The following ZNF469 variants were observed in gnomAD, a reference collection of about 807,000 sequenced individuals.
The protein encoded by ZNF469 is zinc finger protein 469.
ZNF469 carries 1 observed loss-of-function variant against 1.0 expected under a neutral mutation model. That is an observed-to-expected ratio of 1.00 (90% CI 0.35 to 4.73). The LOEUF (loss-of-function observed/expected upper bound fraction) is 4.73. Ranked by LOEUF, ZNF469 falls within the 30% of genes most tolerant of loss-of-function variation. The pLI is 0.16. For missense variants in ZNF469, 6,100 were observed against 5,356.3 expected (o/e 1.14, Z -4.33); for synonymous variants, 2,703 against 2,363.4 (o/e 1.14, Z -4.17).
At position 88,436,686 on chromosome 16, in the gene ZNF469, C is replaced by A; in HGVS notation, c.9216C>A (p.Gly3072=). 6.5e-7 allele frequency: 1 copy of A among 1,550,244 alleles called. No individual in the cohort carries two copies. Among genetic ancestry groups the A allele is most frequent in the Non-Finnish European group, 8.7e-7 (1 of 1,146,892 alleles). The part of the protein sequence containing the change: ...GPFEDPVGLP[G]PSFLDFEGTA... ...TTGAAGACCCCGTGGGTCTCCCCGG[C>A]CCCAGCTTCTTAGACTTCGAGGGCA... The change falls in exon 3 of 3, where the codon GGC becomes GGA. Residue 3072 remains glycine (G), a synonymous_variant. Transcript: ENST00000565624.
At chr16:88,108,534 G>A in the ZNF469 span, among the ~76,000 whole-genome samples, 1 of 152,156 alleles carries the variant, frequency 6.6e-6, no homozygotes, top group Non-Finnish European at 1.5e-5. Flanking sequence ...GACTTCTGGG[G>A]GTGAGGATCT....
At chr16:88,402,399 C>G (rs977875156) in intron 1 of ZNF469, among the ~76,000 whole-genome samples, 1 of 152,122 alleles carries the variant, frequency 6.6e-6, no homozygotes, top group African/African-American at 2.4e-5. Flanking sequence ...GTGGGTAGCA[C>G]CATGGCTGGA....
At chr16:88,158,404 G>A in the ZNF469 span, among the ~76,000 whole-genome samples, 1 of 152,040 alleles carries the variant, frequency 6.6e-6, no homozygotes, top group Non-Finnish European at 1.5e-5. Flanking sequence ...GCTGCAAGGC[G>A]ACATCCTGCC....
intron 1 of ZNF469, among the ~76,000 whole-genome samples, chr16:88,413,979 CCACCTGGCCAGTGA>C (rs1326482604): frequency 6.6e-6 from 1 of 152,174 alleles, no homozygotes; most frequent in African/African-American, 2.4e-5. Context: ...GGCCCTGCTG[CCACCTGGCCAGTGA>C]CAACCCCAAG....
chr16:88,130,739 T>G, the ZNF469 span, among the ~76,000 whole-genome samples: 1 of 139,690 alleles, frequency 7.2e-6, no homozygotes, highest in Non-Finnish European at 1.5e-5. Flanking sequence ...AGGCACCTAA[T>G]AAAAACGGCA....
rs575437372 is a variant in ZNF469 at position 88,386,756 on chromosome 16, G to T, written c.-192+3502G>T. On this transcript the variant is annotated intron_variant, in intron 1 of 2. Coordinates refer to ENST00000565624, the MANE Select transcript of ZNF469 (RefSeq NM_001367624.2). ...CAACTGAACCCCATGAGCCAGCCTC[G>T]TTCTCTGATGGAGCTGACCTGCTAC... Among the ~76,000 whole-genome samples, 14 of 152,302 alleles carry T rather than the reference G, an allele frequency of 9.2e-5. No homozygotes were observed. The South Asian group carries it at 1.7e-3, about 18-fold the overall frequency.
chr16:88,273,067 C>T, the ZNF469 span, among the ~76,000 whole-genome samples: 2 of 151,466 alleles, frequency 1.3e-5, no homozygotes, highest in East Asian at 1.9e-4. Context: ...GATGGATGAA[C>T]GGTGGATAAA....
At chr16:88,122,795 ATATATATG>A in the ZNF469 span, among the ~76,000 whole-genome samples, 1 of 152,058 alleles carries the variant, frequency 6.6e-6, no homozygotes, top group South Asian at 2.1e-4. Context: ...ATATATGTGT[ATATATATG>A]TATATATATG....
At chr16:88,227,301 A>T in the ZNF469 span, among the ~76,000 whole-genome samples, 4 of 152,120 alleles carry the variant, frequency 2.6e-5, no homozygotes, top group African/African-American at 9.7e-5. Context: ...AAGAGAGAGG[A>T]AGCGGGGAAG....
At chr16:88,106,525 G>T in the ZNF469 span, among the ~76,000 whole-genome samples, 2 of 152,266 alleles carry the variant, frequency 1.3e-5, no homozygotes, top group Admixed American at 1.3e-4. Flanking sequence ...GAGGGCAAAT[G>T]TGAACAGAGA....
the ZNF469 span, among the ~76,000 whole-genome samples, chr16:88,281,064 G>A: frequency 1.3e-5 from 2 of 149,860 alleles, no homozygotes; most frequent in Non-Finnish European, 3.0e-5. Flanking sequence ...GCCGATGTTG[G>A]CTCACAGGTT....
rs543133296 is a variant in ZNF469 at position 88,436,337 on chromosome 16, C to G, written c.8867C>G (p.Pro2956Arg). Residue 2956 changes from proline (P) to arginine (R), a missense_variant, in exon 3 of 3, where the codon CCC becomes CGC. Physicochemically the swap from Pro to Arg is moderately radical, Grantham distance 103 (BLOSUM62 -2). Transcript: ENST00000565624. ...GTGCCTGGCATTGACCCCTGGGCCCCCGGCCTCAGCCTGTGGGCCCTGGAG... is the reference window on the plus strand; with the variant it reads ...GTGCCTGGCATTGACCCCTGGGCCCGCGGCCTCAGCCTGTGGGCCCTGGAG... ...SRVPGIDPWA[P>R]GLSLWALEPS... 4.5e-6 allele frequency: 7 copies of G among 1,549,504 alleles called. No homozygotes were observed. The East Asian group carries it at 1.5e-4, about 32-fold the overall frequency.
chr16:88,426,469 T>A (rs981670230), intron 2 of ZNF469, among the ~76,000 whole-genome samples: 10 of 152,248 alleles, frequency 6.6e-5, no homozygotes, highest in African/African-American at 2.2e-4. Context: ...CCGTATGTCA[T>A]GACATGAGAA....
the ZNF469 span, among the ~76,000 whole-genome samples, chr16:88,331,978 T>C: frequency 6.6e-6 from 1 of 152,216 alleles, no homozygotes. Flanking sequence ...TGGCAGTGAC[T>C]TGCCCAAGGC....
At chr16:88,342,644 C>A in the ZNF469 span, among the ~76,000 whole-genome samples, 1 of 152,294 alleles carries the variant, frequency 6.6e-6, no homozygotes, top group South Asian at 2.1e-4. Flanking sequence ...GAGCAGTGAG[C>A]CTTTTCCCTG....
At chr16:88,298,500 G>A in the ZNF469 span, among the ~76,000 whole-genome samples, 9 of 152,224 alleles carry the variant, frequency 5.9e-5, no homozygotes, top group Non-Finnish European at 1.2e-4. Flanking sequence ...ACCCTGGAAG[G>A]CGAAACTCAA....
At chr16:88,339,701 AG>A in the ZNF469 span, among the ~76,000 whole-genome samples, 1 of 52,462 alleles carries the variant, frequency 1.9e-5, no homozygotes, top group Non-Finnish European at 3.4e-5. Context: ...TGGCAGAGGG[AG>A]GGGGGACATG....
the ZNF469 span, among the ~76,000 whole-genome samples, chr16:88,236,154 A>G: frequency 6.6e-5 from 10 of 152,260 alleles, no homozygotes; most frequent in East Asian, 1.7e-3. Flanking sequence ...TCCTATTGAG[A>G]CCTTTGAAAT....
At chr16:88,263,935 G>A in the ZNF469 span, among the ~76,000 whole-genome samples, 1 of 152,048 alleles carries the variant, frequency 6.6e-6, no homozygotes, top group South Asian at 2.1e-4. Context: ...CCCCAGGCTG[G>A]GCTGACCAGA....
Sources: gnomAD v4.1 joint callset for allele counts (sites outside exome capture counted in the v4.1 genomes callset) on GRCh38, gnomAD v4.1.1 for gene constraint, MANE v1.5 for transcripts, NCBI Gene and HGNC (gene_info 2026-07-23, HGNC 2026-07-21) for gene names.